MICU1: variants seen among roughly 807,000 people sequenced by gnomAD.
The protein encoded by MICU1 is mitochondrial calcium uptake 1.
MICU1 carries 45 observed loss-of-function variants against 56.8 expected under a neutral mutation model. The ratio of observed to expected loss-of-function variants is 0.79; its 90% CI spans 0.62 to 1.02. The LOEUF (loss-of-function observed/expected upper bound fraction) is 1.02, where lower values mean the gene tolerates loss of function less well. Ranked by LOEUF, MICU1 falls within the 50% of genes least tolerant of loss-of-function variation. The pLI, the probability that MICU1 is intolerant of heterozygous loss-of-function variation, is 0.00. For synonymous variants in MICU1, 186 were observed against 195.1 expected, an observed-to-expected ratio of 0.95 and a Z score of 0.39; for missense variants, 504 against 587.1, an observed-to-expected ratio of 0.86 and a Z score of 1.46.
intron 5 of MICU1, chr10:72,533,209 G>A: frequency 1.9e-6 from 2 of 1,075,896 alleles, no homozygotes; most frequent in Non-Finnish European, 2.5e-6. Context: ...CAATAAAACT[G>A]AAAGTCTCAT....
chr10:72,583,203 C>G (rs1186344036), intron 1 of MICU1: 1 of 150,552 alleles, frequency 6.6e-6, no homozygotes, highest in Admixed American at 6.6e-5. Context: ...GTGGAAAGGG[C>G]TCAACATAGG....
intron 8 of MICU1, among the ~76,000 whole-genome samples, chr10:72,430,003 T>C (rs1250666399): frequency 2.0e-5 from 3 of 152,226 alleles, no homozygotes; most frequent in African/African-American, 4.8e-5. Flanking sequence ...ACGTGAATCA[T>C]GTTTGCCTTT....
intron 5 of MICU1, among the ~76,000 whole-genome samples, chr10:72,530,301 C>A (rs1240758451): frequency 4.2e-5 from 6 of 144,364 alleles, no homozygotes; most frequent in Non-Finnish European, 7.7e-5. Context: ...ACATTGCACT[C>A]CAGCCTGGGT....
intron 8 of MICU1, among the ~76,000 whole-genome samples, chr10:72,446,792 T>A (rs1256640949): frequency 6.6e-6 from 1 of 152,202 alleles, no homozygotes; most frequent in Non-Finnish European, 1.5e-5. Flanking sequence ...GTAGGATGCC[T>A]GGCACATACT....
At chr10:72,528,939 T>C (rs1839398575) in intron 5 of MICU1, among the ~76,000 whole-genome samples, 1 of 152,172 alleles carries the variant, frequency 6.6e-6, no homozygotes, top group South Asian at 2.1e-4. Flanking sequence ...AACTTTCACC[T>C]AGTAAAAGAG....
At chr10:72,579,600 TG>T (rs201972900) in intron 1 of MICU1, among the ~76,000 whole-genome samples, 1,524 of 152,118 alleles carry the variant, frequency 0.01, 26 homozygotes, top group African/African-American at 0.035. Flanking sequence ...ATTAATAGTA[TG>T]TTTTTTTTTA....
At position 72,544,083 on chromosome 10, in the gene MICU1, T is replaced by C. The variant is rs554224628; in HGVS notation, c.493+7096A>G. Among the ~76,000 whole-genome samples, 4 of 151,612 alleles carry C rather than the reference T, an allele frequency of 2.6e-5. No individual in the cohort carries two copies. The South Asian group carries it at 8.4e-4, about 32-fold the overall frequency. On this transcript the variant is annotated intron_variant, in intron 4 of 11. Transcript: ENST00000361114. ...TTATGTTATCTATAGATTCCAGGCA[T>C]TGTATGGAAAAGCACTGTGAAAATC...
At chr10:72,568,096 T>TC (rs1159052680) in intron 1 of MICU1, among the ~76,000 whole-genome samples, 1 of 152,140 alleles carries the variant, frequency 6.6e-6, no homozygotes, top group African/African-American at 2.4e-5. Context: ...AGGGGAGACT[T>TC]TGCTGCCCCC....
At chr10:72,514,018 A>ATT (rs143863281) in intron 5 of MICU1, among the ~76,000 whole-genome samples, 13 of 148,844 alleles carry the variant, frequency 8.7e-5, no homozygotes, top group African/African-American at 3.2e-4. Context: ...AGCTCTGTGC[A>ATT]TTTTTTTTTT....
chr10:72,545,378 T>A (rs897031877), intron 4 of MICU1, among the ~76,000 whole-genome samples: 1 of 152,134 alleles, frequency 6.6e-6, no homozygotes, highest in Non-Finnish European at 1.5e-5. Flanking sequence ...CCAAAGGTGG[T>A]TTGGTTACAA....
intron 10 of MICU1, among the ~76,000 whole-genome samples, chr10:72,389,661 C>A (rs938799908): frequency 6.6e-6 from 1 of 152,078 alleles, no homozygotes; most frequent in South Asian, 2.1e-4. Flanking sequence ...CAAAGTACAC[C>A]GAGGACGTAA....
At chr10:72,480,604 C>T (rs1589262231) in intron 6 of MICU1, among the ~76,000 whole-genome samples, 1 of 152,176 alleles carries the variant, frequency 6.6e-6, no homozygotes, top group South Asian at 2.1e-4. Context: ...ACAGAGGAAG[C>T]GGCATCACAA....
intron 10 of MICU1, among the ~76,000 whole-genome samples, chr10:72,385,983 C>T (rs1055089958): frequency 6.6e-6 from 1 of 152,206 alleles, no homozygotes; most frequent in Non-Finnish European, 1.5e-5. Flanking sequence ...CTTGGTCCTA[C>T]AACTGAAAGG....
intron 9 of MICU1, among the ~76,000 whole-genome samples, chr10:72,416,513 T>C (rs547689344): frequency 9.9e-5 from 15 of 152,208 alleles, no homozygotes; most frequent in Non-Finnish European, 1.8e-4. Context: ...AGAGCTCGCA[T>C]ATATTATCCA....
chr10:72,616,585 C>CT (rs200305846), intron 1 of MICU1, among the ~76,000 whole-genome samples: 1,226 of 122,332 alleles, frequency 0.01, 12 homozygotes, highest in Non-Finnish European at 0.015. Flanking sequence ...GAAACTCCAT[C>CT]TAAAAAAAAA....
intron 4 of MICU1, among the ~76,000 whole-genome samples, chr10:72,542,791 C>T (rs1839806022): frequency 6.6e-6 from 1 of 152,234 alleles, no homozygotes; most frequent in African/African-American, 2.4e-5. Flanking sequence ...TCCCAAGCTC[C>T]TGTCTGGTGT....
chr10:72,565,501 A>AG (rs1412169524), intron 2 of MICU1, among the ~76,000 whole-genome samples: 1 of 56,568 alleles, frequency 1.8e-5, no homozygotes, highest in Non-Finnish European at 3.2e-5. Context: ...GGGTGGGGGG[A>AG]GGGGGGAGGG....
intron 9 of MICU1, among the ~76,000 whole-genome samples, chr10:72,416,513 T>A (rs547689344): frequency 1.3e-5 from 2 of 152,326 alleles, no homozygotes; most frequent in African/African-American, 4.8e-5. Flanking sequence ...AGAGCTCGCA[T>A]ATATTATCCA....
chr10:72,498,157 GA>G (rs1391157809), intron 6 of MICU1, among the ~76,000 whole-genome samples: 2 of 152,180 alleles, frequency 1.3e-5, no homozygotes, highest in Non-Finnish European at 2.9e-5. Flanking sequence ...ATTTTGATTG[GA>G]CAAGTCAGAT....
Sources: gnomAD v4.1 joint callset for allele counts (sites outside exome capture counted in the v4.1 genomes callset) on GRCh38, gnomAD v4.1.1 for gene constraint, MANE v1.5 for transcripts, NCBI Gene and HGNC (gene_info 2026-07-23, HGNC 2026-07-21) for gene names.